FARS2: variants seen among roughly 807,000 people sequenced by gnomAD.
FARS2 encodes phenylalanine--tRNA ligase, mitochondrial.
A neutral mutation model predicts 46.4 loss-of-function variants in FARS2; 40 were observed. The observed-to-expected ratio is 0.86, with a 90% CI of 0.67 to 1.12. The LOEUF is 1.12. Among genes scored for constraint, FARS2 ranks in the 50% most tolerant of loss-of-function variants. FARS2 has a pLI of 0.00. For synonymous variants in FARS2, 234 were observed against 214.9 expected, an observed-to-expected ratio of 1.09 and a Z score of -0.78; for missense variants, 513 against 567.9, an observed-to-expected ratio of 0.90 and a Z score of 0.98.
At chr6:5,491,041 A>G (rs569515516) in intron 4 of FARS2, among the ~76,000 whole-genome samples, 1 of 152,368 alleles carries the variant, frequency 6.6e-6, no homozygotes, top group South Asian at 2.1e-4. Context: ...TTACACATCA[A>G]TAGATAAGGA....
chr6:5,601,851 T>A (rs1224362221), intron 5 of FARS2, among the ~76,000 whole-genome samples: 1 of 152,188 alleles, frequency 6.6e-6, no homozygotes, highest in Non-Finnish European at 1.5e-5. Flanking sequence ...TCAGGGGACG[T>A]GTGCTCTGAT....
intron 5 of FARS2, among the ~76,000 whole-genome samples, chr6:5,551,807 C>T (rs115539474): frequency 0.019 from 2,948 of 152,236 alleles, 103 homozygotes; most frequent in African/African-American, 0.068. Flanking sequence ...GACAGCATCA[C>T]GTTGCCTTCC....
At chr6:5,523,561 G>T (rs1413008475) in intron 4 of FARS2, among the ~76,000 whole-genome samples, 1 of 152,164 alleles carries the variant, frequency 6.6e-6, no homozygotes, top group Non-Finnish European at 1.5e-5. Flanking sequence ...GTATTCAGTG[G>T]TATGCCTGTG....
chr6:5,742,700 T>C (rs566001705), intron 6 of FARS2, among the ~76,000 whole-genome samples: 3 of 152,004 alleles, frequency 2.0e-5, no homozygotes, highest in Non-Finnish European at 4.4e-5. Flanking sequence ...TTTGAGTGTC[T>C]GAAAAAAAGA....
chr6:5,633,686 A>G (rs1391691255), intron 6 of FARS2, among the ~76,000 whole-genome samples: 1 of 152,200 alleles, frequency 6.6e-6, no homozygotes, highest in African/African-American at 2.4e-5. Flanking sequence ...CTATTTTAAT[A>G]TTTTAACCCT....
chr6:5,500,338 A>G (rs1311229765), intron 4 of FARS2, among the ~76,000 whole-genome samples: 4 of 152,234 alleles, frequency 2.6e-5, no homozygotes, highest in Non-Finnish European at 5.9e-5. Context: ...TACTCATAGA[A>G]ATGCAGCTTT....
At position 5,754,315 on chromosome 6, in the gene FARS2, G is replaced by A. The variant is rs183786806; in HGVS notation, c.1218-16976G>A. 6.8e-4 allele frequency among the ~76,000 whole-genome samples: 104 copies of A among 152,276 alleles called. 1 individual carries two copies. Among genetic ancestry groups the A allele is most frequent in the African/African-American group, 2.2e-3 (91 of 41,538 alleles). On this transcript the variant is annotated intron_variant, in intron 6 of 6. Coordinates refer to ENST00000274680, the MANE Select transcript of FARS2 (RefSeq NM_006567.5). Reference sequence around the variant, plus strand: ...TCACAGTGTGTTCCAGGGAGTAGTCGGATCTCTGGGAAGCCTGAGACTGAT... The same window carrying A: ...TCACAGTGTGTTCCAGGGAGTAGTCAGATCTCTGGGAAGCCTGAGACTGAT...
chr6:5,479,984 C>G (rs996384790), intron 4 of FARS2, among the ~76,000 whole-genome samples: 2 of 152,224 alleles, frequency 1.3e-5, no homozygotes, highest in African/African-American at 4.8e-5. Context: ...ATGTCTGTGT[C>G]TGCACAGATC....
intron 1 of FARS2, among the ~76,000 whole-genome samples, chr6:5,291,739 C>T (rs1288941229): frequency 6.7e-6 from 1 of 149,724 alleles, no homozygotes; most frequent in Non-Finnish European, 1.5e-5. Context: ...GTATGGACAA[C>T]AGCAAGACCC....
intron 5 of FARS2, among the ~76,000 whole-genome samples, chr6:5,600,856 G>A (rs1774469274): frequency 6.6e-6 from 1 of 152,212 alleles, no homozygotes; most frequent in Non-Finnish European, 1.5e-5. Context: ...GGAAACAGTA[G>A]TAGAAACTTG....
intron 6 of FARS2, among the ~76,000 whole-genome samples, chr6:5,717,269 C>G (rs1381086462): frequency 6.6e-6 from 1 of 151,972 alleles, no homozygotes; most frequent in Non-Finnish European, 1.5e-5. Flanking sequence ...ACCTAAAGTG[C>G]CCCAATGTTG....
At chr6:5,763,038 G>A (rs577992523) in intron 6 of FARS2, among the ~76,000 whole-genome samples, 22 of 152,304 alleles carry the variant, frequency 1.4e-4, no homozygotes, top group African/African-American at 5.1e-4. Flanking sequence ...TGGAGGGGGC[G>A]AAGAAGTGTC....
At chr6:5,543,870 ATGTT>A (rs1357095088) in intron 4 of FARS2, among the ~76,000 whole-genome samples, 3 of 142,658 alleles carry the variant, frequency 2.1e-5, no homozygotes, top group Admixed American at 7.2e-5. Flanking sequence ...TGGATTAGTT[ATGTT>A]TGTTTGTTTG....
Position 5,362,927 on chromosome 6 carries a change from C to CTTTTTT in FARS2, c.-21-5611_-21-5606dup, listed in dbSNP as rs55686418. ...ATCCTTTGCCCATTTTTCTTTCTTT[C>CTTTTTT]TTTTTTTTTTTTTTTTTGACATGGA... On this transcript the variant is annotated intron_variant, in intron 1 of 6. Coordinates refer to ENST00000274680, the MANE Select transcript of FARS2 (RefSeq NM_006567.5). Among the ~76,000 whole-genome samples, 96 of 124,184 alleles carry CTTTTTT rather than the reference C, an allele frequency of 7.7e-4. 2 individuals are homozygous for CTTTTTT. Among genetic ancestry groups the CTTTTTT allele is most frequent in the East Asian group, 2.8e-3 (12 of 4,228 alleles). 81.5% of individuals were successfully genotyped at this position (124,184 alleles called of 152,430 possible).
At position 5,705,577 on chromosome 6, in the gene FARS2, C is replaced by CT. The variant is rs61582685; in HGVS notation, c.1218-65713dup. ...CGATGGCAGCCTTGACACCTGGCCG[C>CT]TAAAGAGGGCACAGTGCTTCCGCAT... On this transcript the variant is annotated intron_variant, in intron 6 of 6. Transcript: ENST00000274680. Among the ~76,000 whole-genome samples, 1,308 of 152,298 alleles carry CT rather than the reference C, an allele frequency of 8.6e-3. 25 individuals carry two copies. Among genetic ancestry groups the CT allele is most frequent in the African/African-American group, 0.03 (1,247 of 41,538 alleles).
At chr6:5,629,810 TA>T (rs1164025793) in intron 6 of FARS2, among the ~76,000 whole-genome samples, 2 of 150,076 alleles carry the variant, frequency 1.3e-5, no homozygotes, top group Non-Finnish European at 3.0e-5. Context: ...GCTGACAATA[TA>T]AAAAAAAAGA....
At chr6:5,570,966 A>T (rs1772608363) in intron 5 of FARS2, among the ~76,000 whole-genome samples, 2 of 152,186 alleles carry the variant, frequency 1.3e-5, no homozygotes, top group Admixed American at 6.5e-5. Flanking sequence ...TCATCCTGGG[A>T]TTAGCTTTAT....
chr6:5,505,694 C>G (rs754127703), intron 4 of FARS2, among the ~76,000 whole-genome samples: 1 of 147,070 alleles, frequency 6.8e-6, no homozygotes, highest in Non-Finnish European at 1.5e-5. Context: ...CTATAGGATG[C>G]GATGCCTGAG....
chr6:5,535,189 A>G (rs143483942), intron 4 of FARS2, among the ~76,000 whole-genome samples: 265 of 152,316 alleles, frequency 1.7e-3, no homozygotes, highest in Middle Eastern at 3.4e-3. Flanking sequence ...GTAACATTTT[A>G]TAGTTTTCAA....
Sources: allele counts gnomAD v4.1 joint callset (sites outside exome capture counted in the v4.1 genomes callset), GRCh38; gene constraint gnomAD v4.1.1; transcripts MANE v1.5; gene names NCBI Gene and HGNC (gene_info 2026-07-23, HGNC 2026-07-21).